SGCD: variants seen among roughly 807,000 people sequenced by gnomAD.
The protein encoded by SGCD is sarcoglycan delta.
Under a neutral mutation model 36.6 loss-of-function variants are expected in SGCD, and 18 were observed. The ratio of observed to expected loss-of-function variants is 0.49; its 90% CI spans 0.34 to 0.73. The LOEUF (loss-of-function observed/expected upper bound fraction) is 0.73. Ranked by LOEUF, SGCD falls within the 30% of genes least tolerant of loss-of-function variation. SGCD has a pLI of 0.01. For missense variants in SGCD, 387 were observed against 346.7 expected (o/e 1.12, Z -0.92); for synonymous variants, 133 against 130.6 (o/e 1.02, Z -0.12).
chr5:156,033,663 G>T (rs1759415556), intron 1 of SGCD, among the ~76,000 whole-genome samples: 1 of 152,298 alleles, frequency 6.6e-6, no homozygotes, highest in Middle Eastern at 3.4e-3. Flanking sequence ...GGGAGGTAAA[G>T]TAGCTTTCTC....
chr5:156,744,814 A>ACTT (rs1263669759), intron 7 of SGCD, among the ~76,000 whole-genome samples: 1 of 152,196 alleles, frequency 6.6e-6, no homozygotes, highest in African/African-American at 2.4e-5. Flanking sequence ...GAAGCTGCCA[A>ACTT]CTTTTAAAGT....
At chr5:155,745,993 A>G in the SGCD span, among the ~76,000 whole-genome samples, 1 of 152,210 alleles carries the variant, frequency 6.6e-6, no homozygotes, top group Non-Finnish European at 1.5e-5. Flanking sequence ...CACTGCAGAT[A>G]TTCTTGCACA....
intron 7 of SGCD, among the ~76,000 whole-genome samples, chr5:156,718,258 C>T (rs114726440): frequency 0.017 from 2,562 of 152,136 alleles, 34 homozygotes; most frequent in Middle Eastern, 0.044. Flanking sequence ...ATGAGGAGTA[C>T]GTGAATGAAA....
intron 1 of SGCD, among the ~76,000 whole-genome samples, chr5:156,033,172 A>G (rs1015374425): frequency 2.6e-5 from 4 of 152,114 alleles, no homozygotes; most frequent in African/African-American, 9.7e-5. Context: ...ACTTGTTGAG[A>G]TCCTTGTGAA....
chr5:156,685,869 A>G (rs563425254), intron 7 of SGCD, among the ~76,000 whole-genome samples: 6 of 152,270 alleles, frequency 3.9e-5, no homozygotes, highest in Admixed American at 2.0e-4. Context: ...TAAATGATGA[A>G]AACACATAGA....
intron 1 of SGCD, among the ~76,000 whole-genome samples, chr5:156,006,715 G>A (rs1323411604): frequency 6.6e-6 from 1 of 152,118 alleles, no homozygotes; most frequent in Non-Finnish European, 1.5e-5. Flanking sequence ...ATAAATGGGT[G>A]GATTCTATTT....
chr5:156,642,424 A>G (rs1325141301), intron 6 of SGCD, among the ~76,000 whole-genome samples: 1 of 141,974 alleles, frequency 7.0e-6, no homozygotes, highest in African/African-American at 2.7e-5. Flanking sequence ...ACCACATGAT[A>G]TTCATCTTTT....
At chr5:156,373,652 A>G (rs1181205901) in intron 3 of SGCD, among the ~76,000 whole-genome samples, 2 of 152,212 alleles carry the variant, frequency 1.3e-5, no homozygotes, top group Non-Finnish European at 2.9e-5. Flanking sequence ...TTTAATAATA[A>G]TGTTTAAAAT....
intron 1 of SGCD, among the ~76,000 whole-genome samples, chr5:155,996,282 C>T (rs1333103896): frequency 1.3e-5 from 2 of 152,060 alleles, no homozygotes; most frequent in Non-Finnish European, 2.9e-5. Flanking sequence ...CTCCTCCCAT[C>T]CTTCACCCTC....
chr5:156,709,924 C>T (rs1425940688), intron 7 of SGCD, among the ~76,000 whole-genome samples: 1 of 146,098 alleles, frequency 6.8e-6, no homozygotes, highest in Admixed American at 6.9e-5. Context: ...TAAACTCCAA[C>T]TTCACAGTCT....
At position 156,148,693 on chromosome 5, in the gene SGCD, G is replaced by C. The variant is rs558519648; in HGVS notation, c.-44+24674G>C. Among the ~76,000 whole-genome samples the C allele has an allele frequency of 2.6e-5, 4 of 152,288 alleles. No individual in the cohort carries two copies. In the East Asian group the frequency reaches 7.7e-4, roughly 29 times the overall value. On this transcript the variant is annotated intron_variant, in intron 3 of 9. Transcript: ENST00000517913. ...TTCCGCAACTGGTTACAGGGAGAAG[G>C]CTGGAGTAACTCACTAGACCAACTC...
chr5:156,244,634 C>T (rs1331374951), intron 3 of SGCD, among the ~76,000 whole-genome samples: 1 of 152,060 alleles, frequency 6.6e-6, no homozygotes, highest in East Asian at 1.9e-4. Flanking sequence ...TTGAGATTGT[C>T]TCATTTTTTA....
chr5:156,413,778 A>G (rs1186561310), intron 3 of SGCD, among the ~76,000 whole-genome samples: 1 of 152,252 alleles, frequency 6.6e-6, no homozygotes, highest in African/African-American at 2.4e-5. Flanking sequence ...GCTAGCGCAG[A>G]CATTTGAAAT....
At chr5:156,310,632 T>A (rs562523613) in intron 3 of SGCD, among the ~76,000 whole-genome samples, 2 of 152,324 alleles carry the variant, frequency 1.3e-5, no homozygotes, top group African/African-American at 4.8e-5. Flanking sequence ...AATTATTGTC[T>A]AGTTGAGGAG....
At chr5:155,850,028 T>C in the SGCD span, among the ~76,000 whole-genome samples, 1 of 152,180 alleles carries the variant, frequency 6.6e-6, no homozygotes, top group African/African-American at 2.4e-5. Flanking sequence ...GAAAGCTTGT[T>C]TGTTATTTGC....
At chr5:156,716,362 A>G (rs1755223474) in intron 7 of SGCD, among the ~76,000 whole-genome samples, 1 of 152,222 alleles carries the variant, frequency 6.6e-6, no homozygotes, top group African/African-American at 2.4e-5. Flanking sequence ...ACAGTTAGGA[A>G]GCACCTGGAT....
chr5:156,601,648 C>T (rs2113414262), intron 6 of SGCD, among the ~76,000 whole-genome samples: 1 of 152,018 alleles, frequency 6.6e-6, no homozygotes. Context: ...GAATTTTTTT[C>T]CTATTTCTGT....
the SGCD span, among the ~76,000 whole-genome samples, chr5:155,829,412 G>A: frequency 5.3e-5 from 8 of 152,246 alleles, no homozygotes; most frequent in Admixed American, 3.9e-4. Context: ...ATAATGCCTT[G>A]AAAATAGCTG....
chr5:156,096,559 T>C (rs919785339), intron 1 of SGCD, among the ~76,000 whole-genome samples: 8 of 152,168 alleles, frequency 5.3e-5, no homozygotes, highest in Admixed American at 3.9e-4. Context: ...ACACAATCCT[T>C]GGCCCAATCA....
Sources: allele counts gnomAD v4.1 joint callset (sites outside exome capture counted in the v4.1 genomes callset), GRCh38; gene constraint gnomAD v4.1.1; transcripts MANE v1.5; gene names NCBI Gene and HGNC (gene_info 2026-07-23, HGNC 2026-07-21).